Variants in KATNIP observed in about 807,000 individuals in gnomAD.
The protein encoded by KATNIP is katanin-interacting protein.
A neutral mutation model predicts 174.0 loss-of-function variants in KATNIP; 126 were observed. That is an observed-to-expected ratio of 0.72 (90% CI 0.63 to 0.84). The LOEUF is 0.84. Among genes scored for constraint, KATNIP ranks in the 40% least tolerant of loss-of-function variants. The probability of loss-of-function intolerance (pLI) is 0.00; values close to 1 mark genes in which losing one functional copy is unlikely to be tolerated. For missense variants in KATNIP, 1,958 were observed against 2,109.7 expected (o/e 0.93, Z 1.41); for synonymous variants, 810 against 835.7 (o/e 0.97, Z 0.53).
At chr16:27,600,078 G>A (rs530955988) in intron 2 of KATNIP, among the ~76,000 whole-genome samples, 10 of 152,178 alleles carry the variant, frequency 6.6e-5, no homozygotes, top group Non-Finnish European at 1.2e-4. Flanking sequence ...CATACATTTG[G>A]TAGGTCATTT....
rs569278197 is a variant in KATNIP, at chr16:27,556,684, T to G, written c.7+6507T>G. On this transcript the variant is annotated intron_variant, in intron 1 of 27. Coordinates refer to ENST00000261588, the MANE Select transcript of KATNIP (RefSeq NM_015202.5). ...TGAATTAGGAAGGTTTTGCTGAGAG[T>G]ACACCATCGGTTTAGCTGGTCTCTC... Among the ~76,000 whole-genome samples, 11 of 152,298 alleles carry G rather than the reference T, an allele frequency of 7.2e-5. No homozygotes were observed. In the South Asian group the frequency reaches 2.3e-3, roughly 32 times the overall value.
intron 3 of KATNIP, among the ~76,000 whole-genome samples, chr16:27,620,333 C>A (rs1420825025): frequency 6.6e-6 from 1 of 152,174 alleles, no homozygotes; most frequent in Non-Finnish European, 1.5e-5. Flanking sequence ...CTCAAAGGCA[C>A]CTTTTGCAGA....
chr16:27,572,374 C>CACACACACAT (rs2090338777), intron 1 of KATNIP, among the ~76,000 whole-genome samples: 1 of 151,010 alleles, frequency 6.6e-6, no homozygotes, highest in South Asian at 2.1e-4. Context: ...CACACACACA[C>CACACACACAT]ACACACACAC....
intron 6 of KATNIP, among the ~76,000 whole-genome samples, chr16:27,658,042 A>AT (rs1234230321): frequency 6.6e-6 from 1 of 152,176 alleles, no homozygotes; most frequent in Admixed American, 6.5e-5. Context: ...CTCTCTCTTT[A>AT]TTTTTCCTTA....
intron 2 of KATNIP, among the ~76,000 whole-genome samples, chr16:27,593,808 G>A (rs1362322301): frequency 6.6e-6 from 1 of 152,172 alleles, no homozygotes; most frequent in African/African-American, 2.4e-5. Context: ...ACGGCAGCTG[G>A]CCCAGCCTAA....
intron 14 of KATNIP, among the ~76,000 whole-genome samples, chr16:27,723,116 A>C (rs1366438734): frequency 1.3e-5 from 2 of 152,326 alleles, no homozygotes; most frequent in East Asian, 1.9e-4. Flanking sequence ...GTTCACAGGC[A>C]TGGAGGTGTG....
chr16:27,595,037 TG>T (rs2075293833), intron 2 of KATNIP, among the ~76,000 whole-genome samples: 1 of 152,138 alleles, frequency 6.6e-6, no homozygotes, highest in African/African-American at 2.4e-5. Context: ...CAGGAGGAAT[TG>T]GCATTGAAGC....
intron 6 of KATNIP, among the ~76,000 whole-genome samples, chr16:27,673,500 A>G (rs1240007439): frequency 1.3e-5 from 2 of 152,162 alleles, no homozygotes; most frequent in African/African-American, 4.8e-5. Flanking sequence ...ACCTGGTGTT[A>G]TTTTTTAAAA....
intron 6 of KATNIP, among the ~76,000 whole-genome samples, chr16:27,665,029 C>T (rs781071371): frequency 2.6e-5 from 4 of 152,084 alleles, no homozygotes; most frequent in Admixed American, 6.6e-5. Flanking sequence ...GGCATCTGCA[C>T]GCTTGTGTCT....
chr16:27,682,698 G>A (rs1167269954), intron 8 of KATNIP, among the ~76,000 whole-genome samples: 2 of 152,172 alleles, frequency 1.3e-5, no homozygotes, highest in South Asian at 2.1e-4. Flanking sequence ...GGCTTATCAT[G>A]TGGCTGGGTG....
intron 5 of KATNIP, among the ~76,000 whole-genome samples, chr16:27,642,745 A>G (rs2142276499): frequency 6.6e-6 from 1 of 151,212 alleles, no homozygotes; most frequent in East Asian, 2.0e-4. Flanking sequence ...CAGGCTGGAC[A>G]CATTGTTTTT....
chr16:27,708,269 G>A lies in KATNIP; in HGVS notation c.1390-436G>A, dbSNP rs533536323. On this transcript the variant is annotated intron_variant, in intron 12 of 27. Transcript: ENST00000261588. Reference sequence around the variant, plus strand: ...AACTCCTGGCCTCGAGGAATCCTCCGAGCTTGGCCTCTCAAAGTGTTGGGA... The same window carrying A: ...AACTCCTGGCCTCGAGGAATCCTCCAAGCTTGGCCTCTCAAAGTGTTGGGA... Among the ~76,000 whole-genome samples, 47 of 151,834 alleles carry A rather than the reference G, an allele frequency of 3.1e-4. 1 individual carries two copies. Among genetic ancestry groups the A allele is most frequent in the Admixed American group, 7.9e-4 (12 of 15,226 alleles).
intron 19 of KATNIP, among the ~76,000 whole-genome samples, chr16:27,763,296 TAAAAAA>T (rs1220701152): frequency 8.8e-6 from 1 of 114,282 alleles, no homozygotes; most frequent in Non-Finnish European, 1.8e-5. Flanking sequence ...CAAAAAAAAA[TAAAAAA>T]TAAAAAATAA....
At chr16:27,709,081 G>A (rs1441153250) in intron 13 of KATNIP, 161 bp downstream of exon 13, 2 of 568,906 alleles carry the variant, frequency 3.5e-6, no homozygotes, top group Non-Finnish European at 6.1e-6. Context: ...CACTTTGGGA[G>A]GCTGAGGCAG....
At chr16:27,691,170 C>A (rs999512430) in intron 8 of KATNIP, among the ~76,000 whole-genome samples, 2 of 152,154 alleles carry the variant, frequency 1.3e-5, no homozygotes. Context: ...TGAATTTGAG[C>A]TTTTCAAGTC....
intron 13 of KATNIP, among the ~76,000 whole-genome samples, chr16:27,714,826 TC>T (rs1055685164): frequency 2.0e-5 from 3 of 152,140 alleles, no homozygotes; most frequent in African/African-American, 7.2e-5. Context: ...TGGAAAAGCA[TC>T]CCCTGTTCAT....
intron 6 of KATNIP, among the ~76,000 whole-genome samples, chr16:27,661,314 C>T: frequency 6.6e-6 from 1 of 152,136 alleles, no homozygotes; most frequent in Middle Eastern, 3.2e-3. Context: ...AGTGGACTGT[C>T]ATCGTGTAGA....
At chr16:27,574,105 G>T in intron 2 of KATNIP, 149 bp downstream of exon 2, 1 of 649,854 alleles carries the variant, frequency 1.5e-6, no homozygotes. Flanking sequence ...TGAGCAACTA[G>T]ACTTACCAAC....
intron 12 of KATNIP, 133 bp downstream of exon 12, chr16:27,704,131 C>CT (rs373322239): frequency 4.4e-5 from 30 of 680,050 alleles, no homozygotes; most frequent in African/African-American, 8.9e-5. Flanking sequence ...CGCCCCCCCC[C>CT]TCCCTGGCAC....
Sources: gnomAD v4.1 joint callset for allele counts (sites outside exome capture counted in the v4.1 genomes callset) on GRCh38, gnomAD v4.1.1 for gene constraint, MANE v1.5 for transcripts, NCBI Gene and HGNC (gene_info 2026-07-23, HGNC 2026-07-21) for gene names.